Variants in LRP1B observed in about 807,000 individuals in gnomAD.
LRP1B encodes the protein LDL receptor related protein 1B.
A neutral mutation model predicts 556.6 loss-of-function variants in LRP1B; 217 were observed. The ratio of observed to expected loss-of-function variants is 0.39; its 90% CI spans 0.35 to 0.44. LRP1B has a LOEUF of 0.44. Ranked by LOEUF, LRP1B falls within the 20% of genes least tolerant of loss-of-function variation. The pLI is 1.00. For synonymous variants in LRP1B, 2,047 were observed against 1,865.8 expected (o/e 1.10, Z -2.50); for missense variants, 5,053 against 5,620.8 (o/e 0.90, Z 3.23).
chr2:140,656,241 A>G (rs1231254253), intron 41 of LRP1B, among the ~76,000 whole-genome samples: 2 of 152,170 alleles, frequency 1.3e-5, no homozygotes, highest in Admixed American at 6.5e-5. Flanking sequence ...AGGTTTTGTG[A>G]CAATATATAA....
chr2:141,339,013 T>C (rs757058589), intron 3 of LRP1B, among the ~76,000 whole-genome samples: 9 of 152,018 alleles, frequency 5.9e-5, no homozygotes, highest in Non-Finnish European at 8.8e-5. Context: ...GCTTGCATTT[T>C]CTCTCGGTGA....
intron 1 of LRP1B, among the ~76,000 whole-genome samples, chr2:141,920,866 T>A (rs1700167608): frequency 6.6e-6 from 1 of 152,018 alleles, no homozygotes; most frequent in Non-Finnish European, 1.5e-5. Flanking sequence ...TTTGCACTTG[T>A]CCTCTAAACA....
chr2:140,408,458 TTA>T (rs1684840721), intron 66 of LRP1B, among the ~76,000 whole-genome samples: 1 of 151,988 alleles, frequency 6.6e-6, no homozygotes, highest in African/African-American at 2.4e-5. Flanking sequence ...TTTATTGAGC[TTA>T]TATGTTAATA....
intron 3 of LRP1B, among the ~76,000 whole-genome samples, chr2:141,399,653 T>A (rs575681901): frequency 6.6e-6 from 1 of 152,356 alleles, no homozygotes; most frequent in East Asian, 1.9e-4. Context: ...GAAGCAATAT[T>A]ACTAATAGCC....
At chr2:141,968,915 C>A (rs1165915944) in intron 1 of LRP1B, among the ~76,000 whole-genome samples, 1 of 151,638 alleles carries the variant, frequency 6.6e-6, no homozygotes, top group African/African-American at 2.4e-5. Context: ...ACAATCCTTA[C>A]TTCCCACTCT....
chr2:141,905,695 T>C (rs1699734501), intron 1 of LRP1B, among the ~76,000 whole-genome samples: 1 of 151,292 alleles, frequency 6.6e-6, no homozygotes, highest in African/African-American at 2.4e-5. Flanking sequence ...AATGCTTCCA[T>C]GTGTGAGAAT....
chr2:142,120,099 T>A (rs1707404952), intron 1 of LRP1B, among the ~76,000 whole-genome samples: 2 of 129,960 alleles, frequency 1.5e-5, no homozygotes, highest in Admixed American at 8.4e-5. Flanking sequence ...ACCACTCACT[T>A]CTTTACTACA....
intron 7 of LRP1B, among the ~76,000 whole-genome samples, chr2:141,136,048 AAAGTT>A (rs1198644455): frequency 6.6e-6 from 1 of 151,954 alleles, no homozygotes; most frequent in African/African-American, 2.4e-5. Context: ...TGATAAATAG[AAAGTT>A]AAGACCAGAT....
At chr2:140,754,958 A>C (rs1403427830) in intron 35 of LRP1B, among the ~76,000 whole-genome samples, 1 of 152,064 alleles carries the variant, frequency 6.6e-6, no homozygotes, top group Non-Finnish European at 1.5e-5. Context: ...AAATGAAATT[A>C]CTAAAATTAA....
At chr2:140,471,503 A>G (rs559609034) in intron 60 of LRP1B, among the ~76,000 whole-genome samples, 13 of 152,306 alleles carry the variant, frequency 8.5e-5, no homozygotes, top group Admixed American at 6.5e-4. Flanking sequence ...CAATAATAAT[A>G]TAAATCATTT....
chr2:141,133,553 A>G (rs941077901), intron 7 of LRP1B, among the ~76,000 whole-genome samples: 1 of 152,048 alleles, frequency 6.6e-6, no homozygotes, highest in East Asian at 1.9e-4. Flanking sequence ...AACAATAGCT[A>G]TAAAGCAGGC....
intron 1 of LRP1B, among the ~76,000 whole-genome samples, chr2:141,917,994 C>T (rs1466041717): frequency 6.6e-6 from 1 of 151,960 alleles, no homozygotes; most frequent in Non-Finnish European, 1.5e-5. Flanking sequence ...AAATCATAAA[C>T]ATTATATATT....
At chr2:142,040,447 CT>C (rs568628556) in intron 1 of LRP1B, among the ~76,000 whole-genome samples, 30 of 151,398 alleles carry the variant, frequency 2.0e-4, no homozygotes, top group Admixed American at 5.9e-4. Flanking sequence ...TCCCTTATCT[CT>C]TTTTTAGTTC....
intron 7 of LRP1B, among the ~76,000 whole-genome samples, chr2:141,178,943 G>A (rs536206811): frequency 2.4e-4 from 37 of 152,126 alleles, no homozygotes; most frequent in African/African-American, 7.2e-4. Flanking sequence ...ATTGTATTAA[G>A]TCAAAATTCT....
chr2:141,195,348 T>C lies in LRP1B; in HGVS notation c.851-6765A>G, dbSNP rs1026636536. Reference sequence around the variant, plus strand: ...GATGCCAGATGCCTGCAGTCCTGGCTAACATCTTGATTGCAACCTCATGAG... The same window carrying C: ...GATGCCAGATGCCTGCAGTCCTGGCCAACATCTTGATTGCAACCTCATGAG... On this transcript the variant is annotated intron_variant, in intron 6 of 90. Coordinates refer to ENST00000389484, the MANE Select transcript of LRP1B (RefSeq NM_018557.3). Among the ~76,000 whole-genome samples the C allele has an allele frequency of 2.6e-5, 4 of 152,126 alleles. No homozygotes were observed. The South Asian group carries it at 6.2e-4, about 24-fold the overall frequency.
intron 3 of LRP1B, among the ~76,000 whole-genome samples, chr2:141,464,598 A>ATTTTTTTTTTT (rs199589153): frequency 1.5e-4 from 11 of 73,108 alleles, no homozygotes; most frequent in East Asian, 3.1e-4. Flanking sequence ...ATATATATAT[A>ATTTTTTTTTTT]TATATATATT....
chr2:141,488,297 C>T (rs893501548), intron 2 of LRP1B, among the ~76,000 whole-genome samples: 1 of 151,988 alleles, frequency 6.6e-6, no homozygotes, highest in East Asian at 1.9e-4. Flanking sequence ...AAAGCTATCA[C>T]CAAATTTGAT....
chr2:141,741,846 A>T (rs1693720297), intron 2 of LRP1B, among the ~76,000 whole-genome samples: 1 of 152,066 alleles, frequency 6.6e-6, no homozygotes, highest in Non-Finnish European at 1.5e-5. Flanking sequence ...CTTGTGGGAT[A>T]TTGCGCAAGA....
chr2:141,395,657 T>G (rs1197684265), intron 3 of LRP1B, among the ~76,000 whole-genome samples: 4 of 152,104 alleles, frequency 2.6e-5, no homozygotes, highest in African/African-American at 4.8e-5. Flanking sequence ...TTGATGTAGA[T>G]TCTTAAAACC....
Sources: gnomAD v4.1 joint callset for allele counts (sites outside exome capture counted in the v4.1 genomes callset) on GRCh38, gnomAD v4.1.1 for gene constraint, MANE v1.5 for transcripts, NCBI Gene and HGNC (gene_info 2026-07-23, HGNC 2026-07-21) for gene names.